Variants in EYA2 observed in about 807,000 individuals in gnomAD.
The protein encoded by EYA2 is EYA transcriptional coactivator and phosphatase 2.
Under a neutral mutation model 69.2 loss-of-function variants are expected in EYA2, and 31 were observed. The ratio of observed to expected loss-of-function variants is 0.45; its 90% confidence interval spans 0.34 to 0.60. The LOEUF (loss-of-function observed/expected upper bound fraction) is 0.60, where lower values mean the gene tolerates loss of function less well. EYA2 is among the 20% of genes least tolerant of loss of function. The pLI is 0.02. For missense variants in EYA2, 622 were observed against 701.2 expected (o/e 0.89, Z 1.28); for synonymous variants, 257 against 279.4 (o/e 0.92, Z 0.80).
intron 8 of EYA2, among the ~76,000 whole-genome samples, chr20:47,094,224 G>A (rs2032179842): frequency 6.6e-6 from 1 of 152,188 alleles, no homozygotes; most frequent in Non-Finnish European, 1.5e-5. Context: ...AATATTTGCT[G>A]ATTTTTAAAA....
intron 8 of EYA2, among the ~76,000 whole-genome samples, chr20:47,092,062 G>A (rs553451686): frequency 1.8e-4 from 27 of 152,260 alleles, no homozygotes; most frequent in South Asian, 4.1e-4. Context: ...GGTGGGGACC[G>A]GGACCTCCAA....
intron 13 of EYA2, 86 bp from the exon 14 acceptor site, chr20:47,180,729 C>T: frequency 2.0e-6 from 3 of 1,525,674 alleles, no homozygotes; most frequent in East Asian, 2.3e-5. Flanking sequence ...TACCAGATTT[C>T]CCGCCAACTG....
At chr20:47,178,514 A>G (rs575957596) in intron 12 of EYA2, among the ~76,000 whole-genome samples, 25 of 152,164 alleles carry the variant, frequency 1.6e-4, no homozygotes, top group African/African-American at 5.5e-4. Flanking sequence ...GAATGGAAAG[A>G]CAGCGGCAGG....
chr20:47,052,692 A>G lies in EYA2; in HGVS notation c.416-19493A>G, dbSNP rs185159741. On this transcript the variant is annotated intron_variant, in intron 5 of 15. Transcript: ENST00000327619. Reference sequence around the variant, plus strand: ...AACTGGAGTGCAGTGGTGTGATCACAGCTCACTGCAGCCTTGACCTCTGGG... The same window carrying G: ...AACTGGAGTGCAGTGGTGTGATCACGGCTCACTGCAGCCTTGACCTCTGGG... Among the ~76,000 whole-genome samples, 141 of 152,182 alleles carry G rather than the reference A, an allele frequency of 9.3e-4. 1 individual carries two copies. Among genetic ancestry groups the G allele is most frequent in the African/African-American group, 2.6e-3 (107 of 41,510 alleles).
intron 5 of EYA2, among the ~76,000 whole-genome samples, chr20:47,063,709 G>A (rs1322332145): frequency 1.3e-5 from 2 of 152,164 alleles, no homozygotes; most frequent in Admixed American, 6.5e-5. Context: ...CAACCAGACT[G>A]GCCGTGGGCC....
intron 9 of EYA2, among the ~76,000 whole-genome samples, chr20:47,119,081 CA>C (rs1243017642): frequency 9.8e-5 from 15 of 152,302 alleles, no homozygotes; most frequent in Middle Eastern, 3.4e-3. Flanking sequence ...ATAATGGGAA[CA>C]ATTTTCCTTT....
intron 2 of EYA2, among the ~76,000 whole-genome samples, chr20:46,994,706 C>G (rs1981901392): frequency 6.6e-6 from 1 of 152,028 alleles, no homozygotes; most frequent in Admixed American, 6.5e-5. Flanking sequence ...GCTTTTGTAG[C>G]CGTTCACACC....
At chr20:47,172,074 G>A (rs777018898) in intron 11 of EYA2, among the ~76,000 whole-genome samples, 6 of 151,510 alleles carry the variant, frequency 4.0e-5, no homozygotes, top group Admixed American at 1.3e-4. Flanking sequence ...ACTCCAGCCT[G>A]GGCAACAGAG....
At chr20:47,105,554 G>A (rs1971593) in intron 9 of EYA2, among the ~76,000 whole-genome samples, 97,844 of 150,710 alleles carry the variant, frequency 0.65, 32,027 homozygotes, top group African/African-American at 0.68. Flanking sequence ...GAACCTGGGA[G>A]GCGGAGGTTG....
intron 9 of EYA2, among the ~76,000 whole-genome samples, chr20:47,130,256 A>ATTTTCTTTTTTTT (rs2033305052): frequency 1.4e-5 from 1 of 69,782 alleles, no homozygotes; most frequent in Non-Finnish European, 2.8e-5. Context: ...AAGAAGGTTT[A>ATTTTCTTTTTTTT]TTTTCTTTTT....
intron 1 of EYA2, among the ~76,000 whole-genome samples, chr20:46,932,605 A>AG (rs1985719199): frequency 6.6e-6 from 1 of 152,204 alleles, no homozygotes; most frequent in African/African-American, 2.4e-5. Flanking sequence ...GGCACTGGCC[A>AG]GGTGCGGTGG....
chr20:46,903,094 TAAC>T (rs1469533454), intron 1 of EYA2, among the ~76,000 whole-genome samples: 2 of 152,222 alleles, frequency 1.3e-5, no homozygotes, highest in Non-Finnish European at 2.9e-5. Flanking sequence ...TCCATTTACT[TAAC>T]AACACTTATT....
intron 2 of EYA2, among the ~76,000 whole-genome samples, chr20:47,000,973 T>C (rs1336104581): frequency 2.0e-5 from 3 of 152,160 alleles, no homozygotes; most frequent in East Asian, 3.9e-4. Context: ...TCTGCCATTC[T>C]GGGGTTCTTG....
intron 10 of EYA2, among the ~76,000 whole-genome samples, chr20:47,152,821 AAAG>A (rs1191297170): frequency 6.6e-6 from 1 of 151,032 alleles, no homozygotes; most frequent in African/African-American, 2.4e-5. Context: ...AAAAAAAAAA[AAAG>A]AAAGAAAAGA....
intron 1 of EYA2, among the ~76,000 whole-genome samples, chr20:46,975,688 G>A (rs957736402): frequency 6.6e-6 from 1 of 152,176 alleles, no homozygotes; most frequent in African/African-American, 2.4e-5. Context: ...GCTGAGGCGG[G>A]TGGATCACCT....
chr20:47,074,297 C>T lies in EYA2; in HGVS notation c.623C>T (p.Ser208Phe). Residue 208 changes from serine to phenylalanine, a missense_variant, in exon 7 of 16, where the codon TCT becomes TTT. Around this residue, in one of 2 missense-constraint regions of EYA2, gnomAD observed 365 missense variants for 349.7 expected, o/e 1.04. Coordinates refer to ENST00000327619, the MANE Select transcript of EYA2 (RefSeq NM_005244.5). ...STSTYVLQEA[S>F]HNVPNQSSES... ...TCCACCTACGTCCTCCAGGAGGCAT[C>T]TCACAACGTCCCCAACCAGAGTTCC... The T allele has an allele frequency of 6.2e-7, 1 of 1,614,160 alleles. No homozygotes were observed. The highest frequency in any genetic ancestry group is 8.5e-7 in the Non-Finnish European group (1 of 1,179,998).
intron 7 of EYA2, among the ~76,000 whole-genome samples, chr20:47,080,595 T>C (rs909453689): frequency 6.6e-6 from 1 of 152,138 alleles, no homozygotes; most frequent in Non-Finnish European, 1.5e-5. Context: ...GTGACTATAG[T>C]TAATAAATAA....
At chr20:46,952,919 G>T (rs564423402) in intron 1 of EYA2, among the ~76,000 whole-genome samples, 1 of 152,184 alleles carries the variant, frequency 6.6e-6, no homozygotes, top group Non-Finnish European at 1.5e-5. Flanking sequence ...ATCAGGAGTC[G>T]TTGCACATCT....
chr20:46,970,548 G>A (rs1213127491), intron 1 of EYA2, among the ~76,000 whole-genome samples: 1 of 152,154 alleles, frequency 6.6e-6, no homozygotes, highest in Non-Finnish European at 1.5e-5. Context: ...GAGAATTTCT[G>A]AGATAGAGAG....
Sources: allele counts gnomAD v4.1 joint callset (sites outside exome capture counted in the v4.1 genomes callset), GRCh38; gene constraint gnomAD v4.1.1; regional missense constraint gnomAD v4.1.1; transcripts MANE v1.5; gene names NCBI Gene and HGNC (gene_info 2026-07-23, HGNC 2026-07-21).